Variants in PCMTD2 observed in about 807,000 individuals in gnomAD.
PCMTD2 encodes the protein protein-L-isoaspartate O-methyltransferase domain-containing protein 2.
A neutral mutation model predicts 33.4 loss-of-function variants in PCMTD2; 16 were observed. The observed-to-expected ratio is 0.48, with a 90% CI of 0.32 to 0.73. The LOEUF (loss-of-function observed/expected upper bound fraction) is 0.73. Ranked by LOEUF, PCMTD2 falls within the 30% of genes least tolerant of loss-of-function variation. The probability of loss-of-function intolerance (pLI) is 0.03; values close to 1 mark genes in which losing one functional copy is unlikely to be tolerated. For missense variants in PCMTD2, 374 were observed against 449.9 expected (o/e 0.83, Z 1.53); for synonymous variants, 161 against 160.8 (o/e 1.00, Z -0.01).
rs114714901 is a variant in PCMTD2 at position 64,262,080 on chromosome 20, C to T, written c.307+1808C>T. Among the ~76,000 whole-genome samples, 1,517 of 152,190 alleles carry T rather than the reference C, an allele frequency of 1.0e-2. 17 individuals are homozygous for T. Among genetic ancestry groups the T allele is most frequent in the African/African-American group, 0.034 (1,420 of 41,508 alleles). On this transcript the variant is annotated intron_variant, in intron 2 of 5. Transcript: ENST00000308824. ...CCAACCTGGCCAACGTGGTGAAACC[C>T]TGTCCCTACCAAAAGTATAAGAAAG...
intron 4 of PCMTD2, 38 bp from the exon 5 acceptor site, chr20:64,267,849 C>T: frequency 6.3e-7 from 1 of 1,587,920 alleles, no homozygotes. Flanking sequence ...AAATAGTAGC[C>T]AATTCTTTTG....
chr20:64,263,776 CG>C (rs1985532041), intron 2 of PCMTD2, among the ~76,000 whole-genome samples: 1 of 152,122 alleles, frequency 6.6e-6, no homozygotes, highest in Non-Finnish European at 1.5e-5. Context: ...TTGCCTTTGT[CG>C]GCAAAGATGA....
At chr20:64,266,489 C>G (rs1601744196) in intron 4 of PCMTD2, among the ~76,000 whole-genome samples, 1 of 152,078 alleles carries the variant, frequency 6.6e-6, no homozygotes, top group Middle Eastern at 3.4e-3. Context: ...GAGCTCCTGA[C>G]CTCATGATCC....
Position 64,275,163 on chromosome 20 carries a change from A to C in PCMTD2, c.*1563A>C, listed in dbSNP as rs1986060088. ...AAACATGTATTGCTCTAGATTGGGC[A>C]GTTTAAGTCATTTTAAAGAAAGTTA... On this transcript the variant is annotated 3_prime_UTR_variant, in exon 6 of 6. Transcript: ENST00000308824. The C allele has an allele frequency of 6.6e-6, 1 of 152,202 alleles. No individual in the cohort carries two copies. The highest frequency in any genetic ancestry group is 2.1e-4 in the South Asian group (1 of 4,832). 9.4% of individuals were successfully genotyped at this position (152,202 alleles called of 1,614,324 possible).
chr20:64,262,099 A>G (rs939629220), intron 2 of PCMTD2, among the ~76,000 whole-genome samples: 1 of 152,092 alleles, frequency 6.6e-6, no homozygotes, highest in African/African-American at 2.4e-5. Flanking sequence ...CCAAAAGTAT[A>G]AGAAAGTACC....
rs1348109206 is a variant in PCMTD2 at position 64,271,958 on chromosome 20, G to C, written c.707-1263G>C. ...GTGAGATGATGAAGGAAGGAAGGAT[G>C]GCTGTACTTGAGGAGGGAGCCGGGT... is the stretch of plus-strand genomic sequence containing the variant. On this transcript the variant is annotated intron_variant, in intron 5 of 5. Transcript: ENST00000308824. 3 of 318,068 alleles carry C rather than the reference G, an allele frequency of 9.4e-6. No individual in the cohort carries two copies. The East Asian group carries it at 2.3e-4, about 24-fold the overall frequency. The allele number at this position is 318,068 out of a possible 1,614,324, so 19.7% of individuals were successfully genotyped here. A position where few individuals can be genotyped will look rare whatever the true frequency, so the allele number is the denominator to read the frequency against.
At chr20:64,264,301 C>G in intron 2 of PCMTD2, 128 bp from the exon 3 acceptor site, 1 of 611,146 alleles carries the variant, frequency 1.6e-6, no homozygotes, top group Non-Finnish European at 2.9e-6. Flanking sequence ...TGTGATGAGA[C>G]TTCAAAACTT....
intron 1 of PCMTD2, chr20:64,256,857 C>G (rs576848466): frequency 6.6e-6 from 1 of 152,350 alleles, no homozygotes; most frequent in African/African-American, 2.4e-5. Context: ...ACATGTACCA[C>G]TGGTCTGGCT....
chr20:64,267,858 T>A, intron 4 of PCMTD2, 29 bp from the exon 5 acceptor site: 2 of 1,603,736 alleles, frequency 1.2e-6, no homozygotes, highest in Non-Finnish European at 1.7e-6. Flanking sequence ...CCAATTCTTT[T>A]GAATATTCTC....
chr20:64,256,890 T>C (rs980866240), intron 1 of PCMTD2: 40 of 152,242 alleles, frequency 2.6e-4, no homozygotes, highest in African/African-American at 9.4e-4. Context: ...ATTAATAGTG[T>C]ACATGTGACA....
Position 64,273,611 on chromosome 20 carries a change from T to A in PCMTD2, c.*11T>A. 6.6e-7 allele frequency: 1 copy of A among 1,513,746 alleles called. No homozygotes were observed. The highest frequency in any genetic ancestry group is 8.8e-7 in the Non-Finnish European group (1 of 1,134,198). The allele number at this position is 1,513,746 out of a possible 1,614,324, so 93.8% of individuals were successfully genotyped here. A position where few individuals can be genotyped will look rare whatever the true frequency, so the allele number is the denominator to read the frequency against. On this transcript the variant is annotated 3_prime_UTR_variant, in exon 6 of 6. Transcript: ENST00000308824. Reference sequence around the variant, plus strand: ...TACAGAGAAAAATAAGTCTCCTGTTTGAAAGGGGGAAATAGGAAGAGCAGA... The same window carrying A: ...TACAGAGAAAAATAAGTCTCCTGTTAGAAAGGGGGAAATAGGAAGAGCAGA...
intron 4 of PCMTD2, among the ~76,000 whole-genome samples, chr20:64,266,037 AAC>A (rs1403032998): frequency 6.6e-6 from 1 of 152,208 alleles, no homozygotes; most frequent in African/African-American, 2.4e-5. Context: ...GAACTAGGAA[AAC>A]ACAAATAATA....
Position 64,260,076 on chromosome 20 carries a change from TCG to T in PCMTD2, c.112_113del (p.Arg38CysfsTer6). The T allele has an allele frequency of 6.2e-7, 1 of 1,612,626 alleles. No homozygotes were observed. The highest frequency in any genetic ancestry group is 8.5e-7 in the Non-Finnish European group (1 of 1,178,602). ...TAGAGCAGGCTTTCAGAGCTATCGA[TCG>T]TGCAGACTATTATCTTGAAGAATTT... The part of the protein sequence containing the change: ...LVEQAFRAID[R>X]ADYYLEEFKE... On this transcript the variant is annotated frameshift_variant, in exon 2 of 6. Transcript: ENST00000308824. LOFTEE classifies it high-confidence loss of function.
Position 64,265,362 on chromosome 20 carries a change from A to G in PCMTD2, c.515A>G (p.Glu172Gly), listed in dbSNP as rs368855877. 1 of 1,613,656 alleles carries G rather than the reference A, an allele frequency of 6.2e-7. No homozygotes were observed. Among genetic ancestry groups the G allele is most frequent in the Non-Finnish European group, 8.5e-7 (1 of 1,179,902 alleles). The change falls in exon 4 of 6, where the codon GAG becomes GGG. Residue 172 changes from glutamate (E) to glycine (G), a missense_variant. Transcript: ENST00000308824. ...RVYCGAGVQK[E>G]HEEYMKNLLK... ...TACTGTGGGGCTGGCGTGCAGAAAGAGCATGAAGAGTACATGAAGAATCTT... is the reference window on the plus strand; with the variant it reads ...TACTGTGGGGCTGGCGTGCAGAAAGGGCATGAAGAGTACATGAAGAATCTT...
chr20:64,260,127 G>C lies in PCMTD2; in HGVS notation c.162G>C (p.Leu54Phe). 1 of 1,613,828 alleles carries C rather than the reference G, an allele frequency of 6.2e-7. No individual in the cohort carries two copies. The highest frequency in any genetic ancestry group is 8.5e-7 in the Non-Finnish European group (1 of 1,179,754). ...EEFKENAYKDLAWKHGNIHLS... is the reference protein window; with the variant it reads ...EEFKENAYKDFAWKHGNIHLS... ...TTAAAGAAAATGCTTATAAAGACTT[G>C]GCATGGAAGCATGGAAACATTCACC... Residue 54 changes from leucine to phenylalanine, a missense_variant, in exon 2 of 6, where the codon TTG (leucine) becomes TTC (phenylalanine). Physicochemically the swap from Leu to Phe is conservative, Grantham distance 22. Coordinates refer to ENST00000308824, the MANE Select transcript of PCMTD2 (RefSeq NM_018257.3).
chr20:64,267,080 A>G (rs2145762249), intron 4 of PCMTD2, among the ~76,000 whole-genome samples: 1 of 152,320 alleles, frequency 6.6e-6, no homozygotes, highest in African/African-American at 2.4e-5. Context: ...ATTTTTAGAA[A>G]AGGCCAGCAT....
At position 64,260,414 on chromosome 20, in the gene PCMTD2, G is replaced by A. The variant is rs1317686553; in HGVS notation, c.307+142G>A. 6.3e-6 allele frequency: 4 copies of A among 638,038 alleles called. No individual in the cohort carries two copies. In the African/African-American group the frequency reaches 7.3e-5, roughly 12 times the overall value. 39.5% of individuals were successfully genotyped at this position (638,038 alleles called of 1,614,324 possible). A position where few individuals can be genotyped will look rare whatever the true frequency, so the allele number is the denominator to read the frequency against. On this transcript the variant is annotated intron_variant, in intron 2 of 5. Transcript: ENST00000308824. ...AGTTATCTGACATTGACACATCACT[G>A]GGTGGTGGATAGAGGGATGAGGGAG...
At chr20:64,259,440 G>A (rs560183290) in intron 1 of PCMTD2, among the ~76,000 whole-genome samples, 14 of 147,688 alleles carry the variant, frequency 9.5e-5, no homozygotes, top group African/African-American at 3.5e-4. Context: ...GCAAGCTGGA[G>A]TGCAGTGGTA....
At chr20:64,269,852 C>T (rs1482270625) in intron 5 of PCMTD2, among the ~76,000 whole-genome samples, 1 of 141,936 alleles carries the variant, frequency 7.0e-6, no homozygotes, top group Non-Finnish European at 1.5e-5. Context: ...TGGGTGCTGG[C>T]GTGTGGGGGG....
Sources: gnomAD v4.1 joint callset for allele counts (sites outside exome capture counted in the v4.1 genomes callset) on GRCh38, gnomAD v4.1.1 for gene constraint, MANE v1.5 for transcripts, NCBI Gene and HGNC (gene_info 2026-07-23, HGNC 2026-07-21) for gene names.